The following TENM3 variants were observed in gnomAD, a reference collection of about 807,000 sequenced individuals.
The protein encoded by TENM3 is teneurin transmembrane protein 3, also known as teneurin-3.
In TENM3, 63 loss-of-function variants were observed where a neutral mutation model predicts 255.1. That is an observed-to-expected ratio of 0.25 (90% CI 0.20 to 0.30). The LOEUF (loss-of-function observed/expected upper bound fraction) is 0.30, where lower values mean the gene tolerates loss of function less well. Among genes scored for constraint, TENM3 ranks in the 10% least tolerant of loss-of-function variants. TENM3 has a pLI of 1.00. For synonymous variants in TENM3, 1,306 were observed against 1,322.3 expected (o/e 0.99, Z 0.27); for missense variants, 2,929 against 3,461.1 (o/e 0.85, Z 3.86).
the TENM3 span, among the ~76,000 whole-genome samples, chr4:181,560,488 G>A: frequency 2.6e-5 from 4 of 152,128 alleles, no homozygotes; most frequent in Non-Finnish European, 4.4e-5. Context: ...AAGGGTATCG[G>A]TGAAAGGAGA....
chr4:181,619,991 T>A, the TENM3 span, among the ~76,000 whole-genome samples: 1 of 152,134 alleles, frequency 6.6e-6, no homozygotes, highest in Non-Finnish European at 1.5e-5. Flanking sequence ...TTTTTTCTCA[T>A]TTAAAATATG....
the TENM3 span, among the ~76,000 whole-genome samples, chr4:181,921,907 C>T: frequency 6.6e-6 from 1 of 152,052 alleles, no homozygotes; most frequent in Admixed American, 6.6e-5. Context: ...GAGAAACGTC[C>T]CATCAATACC....
chr4:181,912,372 A>G, the TENM3 span, among the ~76,000 whole-genome samples: 1 of 152,250 alleles, frequency 6.6e-6, no homozygotes, highest in African/African-American at 2.4e-5. Flanking sequence ...ATGAAATGGT[A>G]TGTGATACAT....
At chr4:181,450,427 A>G in the TENM3 span, among the ~76,000 whole-genome samples, 1 of 152,196 alleles carries the variant, frequency 6.6e-6, no homozygotes, top group South Asian at 2.1e-4. Context: ...GAAGGAACAC[A>G]ATCGTTTTCT....
intron 3 of TENM3, among the ~76,000 whole-genome samples, chr4:182,392,725 A>G (rs1049700783): frequency 6.6e-5 from 10 of 152,224 alleles, no homozygotes; most frequent in African/African-American, 2.4e-4. Flanking sequence ...AGAGAAATAG[A>G]GGCAGGCTAA....
chr4:182,350,511 C>G (rs1165122124), intron 3 of TENM3, among the ~76,000 whole-genome samples: 2 of 152,140 alleles, frequency 1.3e-5, no homozygotes, highest in Non-Finnish European at 2.9e-5. Flanking sequence ...CTGCCACACA[C>G]CAGGGCAAGT....
At chr4:182,660,692 A>G (rs1754154696) in intron 6 of TENM3, among the ~76,000 whole-genome samples, 1 of 152,234 alleles carries the variant, frequency 6.6e-6, no homozygotes, top group Admixed American at 6.5e-5. Flanking sequence ...TTTGAATTTT[A>G]TGAAAGAAAT....
rs529196843 is a variant in TENM3, at chr4:182,680,848, A to G, written c.1834+111A>G. The G allele has an allele frequency of 7.6e-6, 6 of 785,490 alleles. No homozygotes were observed. The African/African-American group carries it at 9.1e-5, about 12-fold the overall frequency. 48.7% of individuals were successfully genotyped at this position (785,490 alleles called of 1,614,324 possible). On this transcript the variant is annotated intron_variant, in intron 10 of 27. Transcript: ENST00000511685. Reference sequence around the variant, plus strand: ...TTTTATACGCTTCCTTTTGAAAGCAATTTTGAAAAATCCATGTTTATGAAT... The same window carrying G: ...TTTTATACGCTTCCTTTTGAAAGCAGTTTTGAAAAATCCATGTTTATGAAT...
intron 3 of TENM3, among the ~76,000 whole-genome samples, chr4:182,494,364 A>G (rs1409331456): frequency 1.3e-5 from 2 of 152,178 alleles, no homozygotes; most frequent in Admixed American, 6.5e-5. Flanking sequence ...ACTTTGTGAG[A>G]GAGAAACCAC....
At chr4:181,588,334 G>A in the TENM3 span, among the ~76,000 whole-genome samples, 2 of 152,132 alleles carry the variant, frequency 1.3e-5, no homozygotes, top group Admixed American at 6.6e-5. Flanking sequence ...CTTTTGAAAG[G>A]ATTCGTTGAC....
the TENM3 span, among the ~76,000 whole-genome samples, chr4:181,894,419 C>T: frequency 3.3e-5 from 5 of 152,060 alleles, no homozygotes; most frequent in Non-Finnish European, 5.9e-5. Context: ...ACAGGCCTGG[C>T]GTGACTGGCT....
intron 16 of TENM3, among the ~76,000 whole-genome samples, chr4:182,736,088 A>C (rs1761138554): frequency 1.3e-5 from 2 of 152,192 alleles, no homozygotes; most frequent in South Asian, 4.1e-4. Context: ...ATATTAGCTA[A>C]TTTACCATCA....
chr4:181,591,455 A>G, the TENM3 span, among the ~76,000 whole-genome samples: 3 of 152,352 alleles, frequency 2.0e-5, no homozygotes, highest in East Asian at 5.8e-4. Context: ...ATAATAGCCC[A>G]AAACTGGAAA....
At chr4:182,405,473 A>G (rs1156919073) in intron 3 of TENM3, among the ~76,000 whole-genome samples, 2 of 152,258 alleles carry the variant, frequency 1.3e-5, no homozygotes, top group African/African-American at 4.8e-5. Context: ...AGGAGATGAC[A>G]AATGGATAGT....
At chr4:182,425,754 A>T (rs1199074825) in intron 3 of TENM3, among the ~76,000 whole-genome samples, 1 of 152,206 alleles carries the variant, frequency 6.6e-6, no homozygotes, top group Non-Finnish European at 1.5e-5. Context: ...TCCCGCCTGT[A>T]ATCCCAGCGC....
chr4:181,700,325 C>A, the TENM3 span, among the ~76,000 whole-genome samples: 2 of 150,522 alleles, frequency 1.3e-5, no homozygotes, highest in Non-Finnish European at 3.0e-5. Flanking sequence ...ACATTTATTT[C>A]TTGATTTTAA....
the TENM3 span, among the ~76,000 whole-genome samples, chr4:181,714,091 C>T: frequency 6.6e-5 from 10 of 152,282 alleles, no homozygotes; most frequent in African/African-American, 2.4e-4. Context: ...TCAGAAAACA[C>T]TTTGGGAAAC....
At chr4:181,646,847 G>T in the TENM3 span, among the ~76,000 whole-genome samples, 1 of 152,114 alleles carries the variant, frequency 6.6e-6, no homozygotes, top group Non-Finnish European at 1.5e-5. Context: ...GACAAAAAAA[G>T]ATCTAATTTA....
At chr4:182,195,714 T>C (rs1753798984) in intron 1 of TENM3, among the ~76,000 whole-genome samples, 1 of 152,170 alleles carries the variant, frequency 6.6e-6, no homozygotes, top group Non-Finnish European at 1.5e-5. Flanking sequence ...TTACTAGTCA[T>C]AACCCTAAAT....
Sources: allele counts gnomAD v4.1 joint callset (sites outside exome capture counted in the v4.1 genomes callset), GRCh38; gene constraint gnomAD v4.1.1; transcripts MANE v1.5; gene names NCBI Gene and HGNC (gene_info 2026-07-23, HGNC 2026-07-21).